The following CELSR2 variants were observed in gnomAD, a reference collection of about 807,000 sequenced individuals.
CELSR2 encodes EGF-like protein 2.
A neutral mutation model predicts 251.6 loss-of-function variants in CELSR2; 81 were observed. That is an observed-to-expected ratio of 0.32 (90% CI 0.27 to 0.39). The LOEUF (loss-of-function observed/expected upper bound fraction) is 0.39, where lower values mean the gene tolerates loss of function less well. CELSR2 is among the 10% of genes least tolerant of loss of function. The pLI is 1.00. For synonymous variants in CELSR2, 1,721 were observed against 1,670.5 expected, an observed-to-expected ratio of 1.03 and a Z score of -0.74; for missense variants, 3,365 against 3,947.7, an observed-to-expected ratio of 0.85 and a Z score of 3.96.
intron 1 of CELSR2, among the ~76,000 whole-genome samples, chr1:109,255,124 C>T (rs879841447): frequency 1.3e-5 from 2 of 152,222 alleles, no homozygotes; most frequent in Non-Finnish European, 2.9e-5. Flanking sequence ...TCTGGCCCCA[C>T]CCTCTCCCTT....
Position 109,272,994 on chromosome 1 carries a change from G to A in CELSR2, c.8305G>A (p.Ala2769Thr), listed in dbSNP as rs961482450. ...CTGGGATAGCCTGCTGGGGCCTGGAGCAGAGAGACTGCCCCTGCACAGTAC... is the reference window on the plus strand; with the variant it reads ...CTGGGATAGCCTGCTGGGGCCTGGAACAGAGAGACTGCCCCTGCACAGTAC... ...QGWDSLLGPG[A>T]ERLPLHSTPK... is the part of the protein sequence containing the mutation. Residue 2769 changes from alanine (A) to threonine (T), a missense_variant, in exon 31 of 34, where the codon GCA becomes ACA. Transcript: ENST00000271332. 4 of 1,613,756 alleles carry A rather than the reference G, an allele frequency of 2.5e-6. No homozygotes were observed. Among genetic ancestry groups the A allele is most frequent in the Non-Finnish European group, 3.4e-6 (4 of 1,179,826 alleles).
At chr1:109,266,559 ATTT>A (rs35994599) in intron 15 of CELSR2, 13 of 82,116 alleles carry the variant, frequency 1.6e-4, no homozygotes, top group East Asian at 3.5e-4. Flanking sequence ...CACCTGGCTA[ATTT>A]TTTTTTTTTT....
Position 109,272,260 on chromosome 1 carries a change from T to G in CELSR2, c.7927-18T>G. On this transcript the variant is annotated intron_variant, in intron 28 of 33. Transcript: ENST00000271332. ...CCATCCCACTCCCCACTTACTGACC[T>G]CTCTGTTCCCTGCCTAGTCCTACAA... is the stretch of plus-strand genomic sequence containing the variant. 1 of 1,560,886 alleles carries G rather than the reference T, an allele frequency of 6.4e-7. No homozygotes were observed. Among genetic ancestry groups the G allele is most frequent in the East Asian group, 2.3e-5 (1 of 43,984 alleles).
Position 109,262,888 on chromosome 1 carries a change from G to C in CELSR2, c.4627G>C (p.Val1543Leu). 1.2e-6 allele frequency: 2 copies of C among 1,613,816 alleles called. No homozygotes were observed. The highest frequency in any genetic ancestry group is 1.7e-6 in the Non-Finnish European group (2 of 1,180,012). Residue 1543 changes from valine to leucine, a missense_variant, in exon 7 of 34, where the codon GTG (valine) becomes CTG (leucine). This residue lies in a region of CELSR2 where 2,093 missense variants were observed against 2,382.8 expected (regional missense o/e 0.88). Transcript: ENST00000271332. ...ESFPVRMRQF[V>L]GCMRNLQVDS... ...CTTCCCAGTCCGAATGCGGCAGTTC[G>C]TGGGCTGCATGCGGAACCTGCAGGT...
rs531584869 is a variant in CELSR2 at position 109,269,813 on chromosome 1, G to A, written c.7100G>A (p.Arg2367Gln). The part of the protein sequence containing the change: ...TSFAVLMDVS[R>Q]RENGEILPLK... ...TTCGCTGTGCTCATGGACGTTTCTCGGCGGGAGGTCGGGCCCACAGGGGCA... is the reference window on the plus strand; with the variant it reads ...TTCGCTGTGCTCATGGACGTTTCTCAGCGGGAGGTCGGGCCCACAGGGGCA... The change falls in exon 22 of 34, where the codon CGG becomes CAG. Residue 2367 changes from arginine (R) to glutamine (Q), a missense_variant. Arg to Gln is a conservative substitution (Grantham distance 43). Coordinates refer to ENST00000271332, the MANE Select transcript of CELSR2 (RefSeq NM_001408.3). This position sits in a 1 kb window ranked among gnomAD's most constrained non-coding sequence, Gnocchi z 6.4. 1.1e-5 allele frequency: 18 copies of A among 1,612,622 alleles called. No individual in the cohort carries two copies. The South Asian group carries it at 1.6e-4, about 15-fold the overall frequency.
intron 14 of CELSR2, 75 bp from the exon 15 acceptor site, chr1:109,266,020 GGGGAGGCCTA>G: frequency 6.3e-7 from 1 of 1,585,726 alleles, no homozygotes; most frequent in Non-Finnish European, 8.6e-7. Context: ...GGGGAGGCCT[GGGGAGGCCTA>G]GGGAGGGCTG....
Position 109,271,307 on chromosome 1 carries a change from G to T in CELSR2, c.7676+11G>T. On this transcript the variant is annotated intron_variant, in intron 26 of 33. Transcript: ENST00000271332. ...GAAGAAAGGTCCTGTGTGAGTATAGGGTTGGGGTGCCTGGGCCATGGGCAG... is the reference window on the plus strand; with the variant it reads ...GAAGAAAGGTCCTGTGTGAGTATAGTGTTGGGGTGCCTGGGCCATGGGCAG... 6.2e-7 allele frequency: 1 copy of T among 1,613,912 alleles called. No individual in the cohort carries two copies. The highest frequency in any genetic ancestry group is 1.1e-5 in the South Asian group (1 of 91,078).
At chr1:109,267,792 GGTCCTTTTGCTC>G (rs1312145691) in intron 16 of CELSR2, 47 bp from the exon 17 acceptor site, 2 of 1,581,832 alleles carry the variant, frequency 1.3e-6, no homozygotes, top group Non-Finnish European at 1.7e-6. Flanking sequence ...CACCTCCTGA[GGTCCTTTTGCTC>G]CAGAGTTCCT....
Position 109,269,642 on chromosome 1 carries a change from C to T in CELSR2, c.6980+51C>T. On this transcript the variant is annotated intron_variant, in intron 21 of 33. Coordinates refer to ENST00000271332, the MANE Select transcript of CELSR2 (RefSeq NM_001408.3). This position sits in a 1 kb window ranked among gnomAD's most constrained non-coding sequence, Gnocchi z 6.4. Reference sequence around the variant, plus strand: ...TCAGGCTTCGGGCTGAAAGTCCAGGCCCCTGCATGCCTCACCCTCCTTGTC... The same window carrying T: ...TCAGGCTTCGGGCTGAAAGTCCAGGTCCCTGCATGCCTCACCCTCCTTGTC... 1 of 1,613,566 alleles carries T rather than the reference C, an allele frequency of 6.2e-7. No homozygotes were observed. The highest frequency in any genetic ancestry group is 8.5e-7 in the Non-Finnish European group (1 of 1,179,578).
At position 109,261,538 on chromosome 1, in the gene CELSR2, T is replaced by G. The variant is rs1199421972; in HGVS notation, c.4207T>G (p.Leu1403Val). 3.1e-6 allele frequency: 5 copies of G among 1,613,994 alleles called. No homozygotes were observed. The African/African-American group carries it at 6.7e-5, about 22-fold the overall frequency. ...GTTTGCCACAAAGGAGCGCGACGGG[T>G]TGCTGTTGTACAATGGGCGTTTCAA... is the stretch of plus-strand genomic sequence containing the variant. ...LSFATKERDG[L>V]LLYNGRFNEK... Residue 1403 changes from leucine (L) to valine (V), a missense_variant, in exon 4 of 34, where the codon TTG becomes GTG. Transcript: ENST00000271332. This position sits in a 1 kb window ranked among gnomAD's most constrained non-coding sequence, Gnocchi z 4.8.
Position 109,269,203 on chromosome 1 carries a change from AG to A in CELSR2, c.6728del (p.Gly2243ValfsTer28). 6.2e-7 allele frequency: 1 copy of A among 1,612,786 alleles called. No individual in the cohort carries two copies. The highest frequency in any genetic ancestry group is 8.5e-7 in the Non-Finnish European group (1 of 1,179,814). ...RRQRRHPELS[Q>X]GEAVASVIIY... is the part of the protein sequence containing the mutation. ...CAGCGACGGCACCCGGAGCTGAGCC[AG>A]GGTGAGGCTGTGGCCAGCGTCATCA... On this transcript the variant is annotated frameshift_variant, in exon 20 of 34. Coordinates refer to ENST00000271332, the MANE Select transcript of CELSR2 (RefSeq NM_001408.3). LOFTEE classifies it high-confidence loss of function. This position sits in a 1 kb window ranked among gnomAD's most constrained non-coding sequence, Gnocchi z 6.4.
Position 109,261,013 on chromosome 1 carries a change from G to C in CELSR2, c.3959-29G>C. 3.9e-6 allele frequency: 6 copies of C among 1,553,374 alleles called. No homozygotes were observed. Among genetic ancestry groups the C allele is most frequent in the Non-Finnish European group, 5.3e-6 (6 of 1,133,876 alleles). ...GTTCCCCTCCTGTCCTCAGGTACTT[G>C]GTACTCACCTGCCTTTCCTCTTGTC... On this transcript the variant is annotated intron_variant, in intron 2 of 33. Coordinates refer to ENST00000271332, the MANE Select transcript of CELSR2 (RefSeq NM_001408.3). This position sits in a 1 kb window ranked among gnomAD's most constrained non-coding sequence, Gnocchi z 4.8.
At chr1:109,262,732 C>T in intron 6 of CELSR2, 74 bp from the exon 7 acceptor site, 1 of 1,574,098 alleles carries the variant, frequency 6.4e-7, no homozygotes, top group Middle Eastern at 2.3e-4. Flanking sequence ...GTGTCTCTGG[C>T]CTGGCGGCAG....
Position 109,264,463 on chromosome 1 carries a change from G to T in CELSR2, c.5299G>T (p.Val1767Leu), listed in dbSNP as rs750418831. The part of the protein sequence containing the change: ...GFRGCLQGVR[V>L]SDTPEGVNSL... ...CTCCTGTCCCTCCCAGGGTGTGCGG[G>T]TGAGCGATACGCCGGAGGGGGTTAA... is the stretch of plus-strand genomic sequence containing the variant. The change falls in exon 11 of 34, where the codon GTG (valine) becomes TTG (leucine). Residue 1767 changes from valine to leucine, a missense_variant. Coordinates refer to ENST00000271332, the MANE Select transcript of CELSR2 (RefSeq NM_001408.3). 1.8e-5 allele frequency: 29 copies of T among 1,612,924 alleles called. No homozygotes were observed. Among genetic ancestry groups the T allele is most frequent in the Non-Finnish European group, 2.3e-5 (27 of 1,179,076 alleles).
chr1:109,270,827 C>G, intron 24 of CELSR2, 100 bp from the exon 25 acceptor site: 1 of 1,014,186 alleles, frequency 9.9e-7, no homozygotes, highest in African/African-American at 1.6e-5. Context: ...GAACCCTTTT[C>G]CATGCTTCAT....
rs757233627 is a variant in CELSR2, at chr1:109,272,389, A to G, written c.8038A>G (p.Ile2680Val). 19 of 1,609,844 alleles carry G rather than the reference A, an allele frequency of 1.2e-5. No individual in the cohort carries two copies. The highest frequency in any genetic ancestry group is 1.4e-5 in the Non-Finnish European group (17 of 1,177,072). ...SRSGKSQPSY[I>V]PFLLREESAL... The stretch of plus-strand genomic sequence containing the variant: ...CTCGGGCAAGAGTCAGCCCAGCTAC[A>G]TCCCCTTCTTGCTGAGGTGAATCCC... The change falls in exon 29 of 34, where the codon ATC (isoleucine) becomes GTC (valine). Residue 2680 changes from isoleucine (I) to valine (V), a missense_variant. Physicochemically the swap from Ile to Val is conservative, Grantham distance 29. This residue lies in a region of CELSR2 where 2,093 missense variants were observed against 2,382.8 expected (regional missense o/e 0.88). Transcript: ENST00000271332.
chr1:109,261,538 T>C lies in CELSR2; in HGVS notation c.4207T>C (p.Leu1403=). ...LSFATKERDG[L]LLYNGRFNEK... Reference sequence around the variant, plus strand: ...GTTTGCCACAAAGGAGCGCGACGGGTTGCTGTTGTACAATGGGCGTTTCAA... The same window carrying C: ...GTTTGCCACAAAGGAGCGCGACGGGCTGCTGTTGTACAATGGGCGTTTCAA... Residue 1403 remains leucine, a synonymous_variant, in exon 4 of 34, where the codon TTG becomes CTG. Coordinates refer to ENST00000271332, the MANE Select transcript of CELSR2 (RefSeq NM_001408.3). This position sits in a 1 kb window ranked among gnomAD's most constrained non-coding sequence, Gnocchi z 4.8. The C allele has an allele frequency of 6.2e-7, 1 of 1,614,112 alleles. No homozygotes were observed. Among genetic ancestry groups the C allele is most frequent in the South Asian group, 1.1e-5 (1 of 91,086 alleles).
rs777191786 is a variant in CELSR2 at position 109,264,969 on chromosome 1, G to A, written c.5566G>A (p.Glu1856Lys). ...KPSAPHGYTC[E>K]CPPNYLGPYC... ...CAGTGCCCCCCATGGCTATACCTGCGAGTGTCCCCCAAATTACCTTGGGCC... is the reference window on the plus strand; with the variant it reads ...CAGTGCCCCCCATGGCTATACCTGCAAGTGTCCCCCAAATTACCTTGGGCC... The change falls in exon 12 of 34, where the codon GAG becomes AAG. Residue 1856 changes from glutamate to lysine, a missense_variant. Physicochemically the swap from Glu to Lys is moderately conservative, Grantham distance 56. Around this residue, in one of 5 missense-constraint regions of CELSR2, gnomAD observed 2,093 missense variants for 2,382.8 expected, o/e 0.88. Transcript: ENST00000271332. The A allele has an allele frequency of 1.4e-5, 22 of 1,614,044 alleles. No individual in the cohort carries two copies. In the East Asian group the frequency reaches 2.2e-4, roughly 16 times the overall value.
chr1:109,250,281 T>C lies in CELSR2; in HGVS notation c.202T>C (p.Tyr68His). The C allele has an allele frequency of 6.2e-7, 1 of 1,613,112 alleles. No individual in the cohort carries two copies. Among genetic ancestry groups the C allele is most frequent in the African/African-American group, 1.3e-5 (1 of 75,066 alleles). The change falls in exon 1 of 34, where the codon TAC becomes CAC. Residue 68 changes from tyrosine (Y) to histidine (H), a missense_variant. Tyr to His is a moderately conservative substitution (Grantham distance 83). Transcript: ENST00000271332. The surrounding 1 kb of genome is among the most constrained non-coding windows in gnomAD (Gnocchi z 4.4). ...ATCCTCAGCGTCGAACCTCTGGCTC[T>C]ACACCAGCCGCTGCAGGGATGCGGG... ...CPSSASNLWL[Y>H]TSRCRDAGTE...
Sources: allele counts gnomAD v4.1 joint callset (sites outside exome capture counted in the v4.1 genomes callset), GRCh38; gene constraint gnomAD v4.1.1; regional missense constraint gnomAD v4.1.1; non-coding constraint Gnocchi (gnomAD v3.1); transcripts MANE v1.5; gene names NCBI Gene and HGNC (gene_info 2026-07-23, HGNC 2026-07-21).